BAZ1B: variants seen among roughly 807,000 people sequenced by gnomAD.
The protein encoded by BAZ1B is tyrosine-protein kinase BAZ1B.
A neutral mutation model predicts 153.8 loss-of-function variants in BAZ1B; 22 were observed. The ratio of observed to expected loss-of-function variants is 0.14; its 90% CI spans 0.10 to 0.20. The LOEUF (loss-of-function observed/expected upper bound fraction) is 0.20, where lower values mean the gene tolerates loss of function less well. Ranked by LOEUF, BAZ1B falls within the 10% of genes least tolerant of loss-of-function variation. The pLI is 1.00. For missense variants in BAZ1B, 1,325 were observed against 1,799.3 expected, an observed-to-expected ratio of 0.74 and a Z score of 4.77; for synonymous variants, 676 against 633.4, an observed-to-expected ratio of 1.07 and a Z score of -1.01.
chr7:73,504,893 C>A lies in BAZ1B; in HGVS notation c.369+3434G>T, dbSNP rs138280702. Among the ~76,000 whole-genome samples the A allele has an allele frequency of 2.5e-4, 38 of 152,204 alleles. No individual in the cohort carries two copies. The East Asian group carries it at 7.3e-3, about 29-fold the overall frequency. On this transcript the variant is annotated intron_variant, in intron 3 of 19. Coordinates refer to ENST00000339594, the MANE Select transcript of BAZ1B (RefSeq NM_032408.4). ...GCCAGACATGACAAATAAAAAAGAA[C>A]TAGCTAGGAGATAGAAAGGAGTCAG...
chr7:73,476,816 C>G (rs1789017452), intron 7 of BAZ1B, 52 bp downstream of exon 7: 13 of 1,534,638 alleles, frequency 8.5e-6, no homozygotes, highest in Non-Finnish European at 8.7e-7. Context: ...AATTTCCTTT[C>G]TTTTACTATC....
intron 10 of BAZ1B, among the ~76,000 whole-genome samples, chr7:73,466,075 CAG>C (rs781782857): frequency 6.6e-6 from 1 of 152,046 alleles, no homozygotes; most frequent in Non-Finnish European, 1.5e-5. Flanking sequence ...AGTTATATTA[CAG>C]GGGGGAAAAA....
intron 10 of BAZ1B, 97 bp from the exon 11 acceptor site, chr7:73,465,634 G>C: frequency 1.4e-6 from 1 of 702,302 alleles, no homozygotes; most frequent in South Asian, 2.1e-5. Flanking sequence ...TGGGACTTGG[G>C]AGAACAGAAT....
At chr7:73,457,051 T>C (rs1347053568) in intron 13 of BAZ1B, among the ~76,000 whole-genome samples, 7 of 147,400 alleles carry the variant, frequency 4.7e-5, no homozygotes, top group Middle Eastern at 3.6e-3. Flanking sequence ...ACAGTCACTA[T>C]AGGAAACCAT....
intron 1 of BAZ1B, among the ~76,000 whole-genome samples, chr7:73,521,597 G>A (rs1052541110): frequency 2.0e-5 from 3 of 151,914 alleles, no homozygotes; most frequent in Non-Finnish European, 4.4e-5. Flanking sequence ...GGCCCCGGGG[G>A]CGGCCGAAGC....
At chr7:73,504,603 G>C (rs1310737726) in intron 3 of BAZ1B, among the ~76,000 whole-genome samples, 1 of 152,038 alleles carries the variant, frequency 6.6e-6, no homozygotes, top group Non-Finnish European at 1.5e-5. Context: ...GGCGGAGCTT[G>C]CAACGAGCCG....
chr7:73,443,552 A>T (rs1241247737), intron 17 of BAZ1B, among the ~76,000 whole-genome samples: 1 of 152,186 alleles, frequency 6.6e-6, no homozygotes, highest in African/African-American at 2.4e-5. Flanking sequence ...TTAAAGCTCA[A>T]GTGAGATCTA....
chr7:73,517,053 G>A (rs185058986), intron 1 of BAZ1B, among the ~76,000 whole-genome samples: 2 of 150,898 alleles, frequency 1.3e-5, no homozygotes, highest in Non-Finnish European at 3.0e-5. Context: ...CGTGGTGGTG[G>A]GTGCCTGTAA....
At chr7:73,501,475 T>C (rs1272074397) in intron 3 of BAZ1B, among the ~76,000 whole-genome samples, 1 of 152,170 alleles carries the variant, frequency 6.6e-6, no homozygotes, top group Admixed American at 6.5e-5. Context: ...CCTCTTTTCC[T>C]TTCTTTCCCC....
intron 1 of BAZ1B, among the ~76,000 whole-genome samples, chr7:73,516,948 A>AGGCC (rs1478860927): frequency 4.6e-5 from 7 of 152,094 alleles, no homozygotes; most frequent in Admixed American, 4.6e-4. Context: ...TGGGAGGCTG[A>AGGCC]GGCCGGTGGA....
Position 73,521,942 on chromosome 7 carries a change from C to T in BAZ1B, c.-9G>A. ...CCCAGGAGCGGCGCCATCGCGGCGG[C>T]GGCGGTGGGGACTGGCGGCTGCTGG... On this transcript the variant is annotated 5_prime_UTR_variant, in exon 1 of 20. Transcript: ENST00000339594. 7.0e-7 allele frequency: 1 copy of T among 1,438,544 alleles called. No homozygotes were observed. The highest frequency in any genetic ancestry group is 9.2e-7 in the Non-Finnish European group (1 of 1,086,202). The allele number at this position is 1,438,544 out of a possible 1,614,324, so 89.1% of individuals were successfully genotyped here.
At chr7:73,519,896 G>C (rs1021755419) in intron 1 of BAZ1B, among the ~76,000 whole-genome samples, 1 of 152,070 alleles carries the variant, frequency 6.6e-6, no homozygotes, top group Middle Eastern at 3.2e-3. Flanking sequence ...CTCCACTGCC[G>C]ATTCGAATGT....
At chr7:73,474,813 T>C (rs1788939974) in intron 7 of BAZ1B, among the ~76,000 whole-genome samples, 1 of 152,074 alleles carries the variant, frequency 6.6e-6, no homozygotes, top group Non-Finnish European at 1.5e-5. Flanking sequence ...GCAAAATAGA[T>C]GAAAATATTT....
At chr7:73,485,611 T>A (rs374399685) in intron 6 of BAZ1B, among the ~76,000 whole-genome samples, 39 of 117,088 alleles carry the variant, frequency 3.3e-4, no homozygotes, top group African/African-American at 1.2e-3. Context: ...GGAGACAGCA[T>A]AAGGCCTACC....
intron 6 of BAZ1B, among the ~76,000 whole-genome samples, chr7:73,481,176 G>A (rs782762059): frequency 1.3e-5 from 2 of 151,638 alleles, no homozygotes; most frequent in African/African-American, 4.8e-5. Flanking sequence ...GCCCACCTCC[G>A]CCTCCCAAAG....
At chr7:73,511,453 C>A (rs1554578594) in intron 1 of BAZ1B, among the ~76,000 whole-genome samples, 3 of 150,970 alleles carry the variant, frequency 2.0e-5, no homozygotes, top group African/African-American at 4.9e-5. Context: ...CACTTGAGAC[C>A]AGGAGTTCGA....
chr7:73,521,962 TGCTGGGGCCG>T lies in BAZ1B; in HGVS notation c.-39_-30del. The T allele has an allele frequency of 2.1e-6, 3 of 1,396,414 alleles. No homozygotes were observed. Among genetic ancestry groups the T allele is most frequent in the Non-Finnish European group, 2.8e-6 (3 of 1,067,686 alleles). 86.5% of individuals were successfully genotyped at this position (1,396,414 alleles called of 1,614,324 possible). A position where few individuals can be genotyped will look rare whatever the true frequency, so the allele number is the denominator to read the frequency against. On this transcript the variant is annotated 5_prime_UTR_variant, in exon 1 of 20. Coordinates refer to ENST00000339594, the MANE Select transcript of BAZ1B (RefSeq NM_032408.4). ...GGCGGCGGCGGTGGGGACTGGCGGCTGCTGGGGCCGGCCCCGCGGCGCAGCACTAGGCCCC... is the reference window on the plus strand; with the variant it reads ...GGCGGCGGCGGTGGGGACTGGCGGCTGCCCCGCGGCGCAGCACTAGGCCCC...
Position 73,521,805 on chromosome 7 carries a change from C to G in BAZ1B, c.107+22G>C, listed in dbSNP as rs1350435450. On this transcript the variant is annotated intron_variant, in intron 1 of 19. Coordinates refer to ENST00000339594, the MANE Select transcript of BAZ1B (RefSeq NM_032408.4). Reference sequence around the variant, plus strand: ...CCGGCCCAGCCCGGCCCAGCCCGGCCCGCGCGGCTGGAAAAGGATACTCCC... The same window carrying G: ...CCGGCCCAGCCCGGCCCAGCCCGGCGCGCGCGGCTGGAAAAGGATACTCCC... 4 of 1,482,942 alleles carry G rather than the reference C, an allele frequency of 2.7e-6. No individual in the cohort carries two copies. In the African/African-American group the frequency reaches 5.9e-5, roughly 22 times the overall value. 91.9% of individuals were successfully genotyped at this position (1,482,942 alleles called of 1,614,324 possible). A position where few individuals can be genotyped will look rare whatever the true frequency, so the allele number is the denominator to read the frequency against.
At chr7:73,509,343 A>G (rs1331745245) in intron 2 of BAZ1B, among the ~76,000 whole-genome samples, 2 of 152,156 alleles carry the variant, frequency 1.3e-5, no homozygotes, top group African/African-American at 4.8e-5. Flanking sequence ...AAACAAAAAA[A>G]AACACTTAAC....
Sources: gnomAD v4.1 joint callset for allele counts (sites outside exome capture counted in the v4.1 genomes callset) on GRCh38, gnomAD v4.1.1 for gene constraint, MANE v1.5 for transcripts, NCBI Gene and HGNC (gene_info 2026-07-23, HGNC 2026-07-21) for gene names.